Variants in DLGAP2 observed in about 807,000 individuals in gnomAD.
The protein encoded by DLGAP2 is DLG associated protein 2.
In DLGAP2, 26 loss-of-function variants were observed where a neutral mutation model predicts 100.3. That is an observed-to-expected ratio of 0.26 (90% CI 0.19 to 0.36). The LOEUF (loss-of-function observed/expected upper bound fraction) is 0.36. DLGAP2 is among the 10% of genes least tolerant of loss of function. The pLI is 1.00. For synonymous variants in DLGAP2, 886 were observed against 630.1 expected (o/e 1.41, Z -6.08); for missense variants, 1,858 against 1,453.2 (o/e 1.28, Z -4.53).
At chr8:1,494,871 G>T (rs372780982) in intron 3 of DLGAP2, among the ~76,000 whole-genome samples, 1 of 152,148 alleles carries the variant, frequency 6.6e-6, no homozygotes, top group Non-Finnish European at 1.5e-5. Flanking sequence ...CTTCTGTGGC[G>T]GCAGAGAACA....
At chr8:1,235,204 CAT>C (rs879427507) in intron 2 of DLGAP2, among the ~76,000 whole-genome samples, 3,191 of 116,102 alleles carry the variant, frequency 0.027, 55 homozygotes, top group Non-Finnish European at 0.038. Context: ...CACATGGCGT[CAT>C]GTCTAGTTCT....
intron 2 of DLGAP2, among the ~76,000 whole-genome samples, chr8:1,147,777 C>G (rs551580302): frequency 6.6e-6 from 1 of 152,112 alleles, no homozygotes; most frequent in Admixed American, 6.5e-5. Context: ...CCCACCTTGA[C>G]TTCCCAATAC....
intron 1 of DLGAP2, among the ~76,000 whole-genome samples, chr8:806,177 C>G (rs994887996): frequency 3.9e-5 from 6 of 152,194 alleles, no homozygotes; most frequent in Non-Finnish European, 8.8e-5. Flanking sequence ...ATCGGATTGA[C>G]TTGGTTGCAA....
Position 998,098 on chromosome 8 carries a change from G to C in DLGAP2, c.73+90132G>C, listed in dbSNP as rs142841359. On this transcript the variant is annotated intron_variant, in intron 2 of 14. Coordinates refer to ENST00000637795, the MANE Select transcript of DLGAP2 (RefSeq NM_001346810.2). ...ATGTGCACACACCCGTGTCTGCACAGAAACATACACACGTGTATGAACACA... is the reference window on the plus strand; with the variant it reads ...ATGTGCACACACCCGTGTCTGCACACAAACATACACACGTGTATGAACACA... Among the ~76,000 whole-genome samples, 155 of 152,096 alleles carry C rather than the reference G, an allele frequency of 1.0e-3. 1 individual carries two copies. The highest frequency in any genetic ancestry group is 3.7e-3 in the African/African-American group (152 of 41,474).
chr8:1,240,243 G>A lies in DLGAP2; in HGVS notation c.74-18608G>A, dbSNP rs1282905488. On this transcript the variant is annotated intron_variant, in intron 2 of 14. Transcript: ENST00000637795. The stretch of plus-strand genomic sequence containing the variant: ...GTGTCTAGTTCTCTCACATGGCGCC[G>A]TGTCTAGTTCTCTTACATGGCGCCG... 2.0e-4 allele frequency among the ~76,000 whole-genome samples: 24 copies of A among 122,164 alleles called. 2 individuals are homozygous for A. The highest frequency in any genetic ancestry group is 1.5e-3 in the Admixed American group (18 of 12,064). 80.1% of individuals were successfully genotyped at this position (122,164 alleles called of 152,430 possible). A position where few individuals can be genotyped will look rare whatever the true frequency, so the allele number is the denominator to read the frequency against.
chr8:1,583,247 C>T (rs1016994245), intron 6 of DLGAP2, among the ~76,000 whole-genome samples: 1 of 152,232 alleles, frequency 6.6e-6, no homozygotes, highest in African/African-American at 2.4e-5. Flanking sequence ...TCCCTCCCAT[C>T]TGCCATGGGT....
intron 3 of DLGAP2, among the ~76,000 whole-genome samples, chr8:1,332,107 C>T (rs1193674607): frequency 6.6e-6 from 1 of 152,224 alleles, no homozygotes; most frequent in Non-Finnish European, 1.5e-5. Context: ...CAACAGCCAC[C>T]TTCCTTTGCT....
At chr8:1,005,205 C>T (rs1184145845) in intron 2 of DLGAP2, among the ~76,000 whole-genome samples, 1 of 152,164 alleles carries the variant, frequency 6.6e-6, no homozygotes. Flanking sequence ...GGAGCCCTTT[C>T]TGTTTTCCCA....
chr8:1,385,679 C>A lies in DLGAP2; in HGVS notation c.107-115687C>A, dbSNP rs1171777487. 1.1e-4 allele frequency among the ~76,000 whole-genome samples: 13 copies of A among 113,704 alleles called. 2 individuals carry two copies. The highest frequency in any genetic ancestry group is 2.1e-4 in the Non-Finnish European group (11 of 52,392). 74.6% of individuals were successfully genotyped at this position (113,704 alleles called of 152,430 possible). ...CACAGTTACCCCGGCCTGTGCCCGT[C>A]CCCTGAGAACTTGGTGCACAATTAC... On this transcript the variant is annotated intron_variant, in intron 3 of 14. Coordinates refer to ENST00000637795, the MANE Select transcript of DLGAP2 (RefSeq NM_001346810.2).
chr8:1,425,367 C>T (rs557265207), intron 3 of DLGAP2, among the ~76,000 whole-genome samples: 13 of 152,260 alleles, frequency 8.5e-5, no homozygotes, highest in South Asian at 8.3e-4. Flanking sequence ...GCATCTTCCC[C>T]GGGAGGCCAG....
At chr8:990,424 C>G (rs1800641013) in intron 2 of DLGAP2, among the ~76,000 whole-genome samples, 2 of 52,452 alleles carry the variant, frequency 3.8e-5, no homozygotes, top group Non-Finnish European at 7.2e-5. Context: ...CCCAGACCCC[C>G]TGCACCCCCA....
At chr8:894,801 A>G (rs1376892664) in intron 1 of DLGAP2, among the ~76,000 whole-genome samples, 30 of 12,092 alleles carry the variant, frequency 2.5e-3, no homozygotes, top group Admixed American at 6.4e-3. Flanking sequence ...TGGGGACAGC[A>G]GAGTGGTGGC....
intron 10 of DLGAP2, among the ~76,000 whole-genome samples, chr8:1,670,030 CCCGTCT>C (rs141578208): frequency 6.6e-5 from 10 of 152,094 alleles, no homozygotes; most frequent in Admixed American, 3.9e-4. Flanking sequence ...GGTGCCATCG[CCCGTCT>C]CCGTCTCCGT....
At chr8:1,234,534 C>A (rs1002213038) in intron 2 of DLGAP2, among the ~76,000 whole-genome samples, 1 of 152,152 alleles carries the variant, frequency 6.6e-6, no homozygotes, top group Admixed American at 6.6e-5. Flanking sequence ...GCAACAATGA[C>A]CCTATTTCTA....
intron 2 of DLGAP2, among the ~76,000 whole-genome samples, chr8:1,183,133 G>T (rs1288914550): frequency 2.0e-5 from 3 of 152,080 alleles, no homozygotes; most frequent in Non-Finnish European, 4.4e-5. Context: ...TGCCTTGTGG[G>T]TGGGGCAGGG....
At position 1,187,535 on chromosome 8, in the gene DLGAP2, A is replaced by G. The variant is rs1416655485; in HGVS notation, c.74-71316A>G. Among the ~76,000 whole-genome samples, 127 of 88,780 alleles carry G rather than the reference A, an allele frequency of 1.4e-3. 1 individual carries two copies. The highest frequency in any genetic ancestry group is 3.6e-3 in the African/African-American group (71 of 19,790). 58.2% of individuals were successfully genotyped at this position (88,780 alleles called of 152,430 possible). On this transcript the variant is annotated intron_variant, in intron 2 of 14. Transcript: ENST00000637795. ...ACGTTTGCTTCACGGAATCTCACACACCCGGGACCTCCGTGACGTTTGCCT... is the reference window on the plus strand; with the variant it reads ...ACGTTTGCTTCACGGAATCTCACACGCCCGGGACCTCCGTGACGTTTGCCT...
At chr8:1,149,246 C>T (rs1351226480) in intron 2 of DLGAP2, among the ~76,000 whole-genome samples, 7 of 152,178 alleles carry the variant, frequency 4.6e-5, no homozygotes, top group South Asian at 4.2e-4. Flanking sequence ...TCTGGGTTCA[C>T]GCCATTCTCC....
intron 4 of DLGAP2, among the ~76,000 whole-genome samples, chr8:1,527,934 G>T (rs75959683): frequency 2.9e-4 from 44 of 150,186 alleles, no homozygotes; most frequent in Non-Finnish European, 5.5e-4. Flanking sequence ...AAAAAAAAAA[G>T]TTCATTCAAC....
intron 3 of DLGAP2, among the ~76,000 whole-genome samples, chr8:1,473,177 C>T (rs566109056): frequency 4.7e-4 from 72 of 152,286 alleles, no homozygotes; most frequent in African/African-American, 1.7e-3. Context: ...ATGATCCATC[C>T]GTCTTGGCCT....
Sources: gnomAD v4.1 joint callset for allele counts (sites outside exome capture counted in the v4.1 genomes callset) on GRCh38, gnomAD v4.1.1 for gene constraint, MANE v1.5 for transcripts, NCBI Gene and HGNC (gene_info 2026-07-23, HGNC 2026-07-21) for gene names.